NDUFS4: variants seen among roughly 807,000 people sequenced by gnomAD.
NDUFS4 encodes the protein NADH dehydrogenase [ubiquinone] iron-sulfur protein 4, mitochondrial.
NDUFS4 carries 28 observed loss-of-function variants against 24.3 expected under a neutral mutation model. The ratio of observed to expected loss-of-function variants is 1.15; its 90% CI spans 0.85 to 1.58. The LOEUF (loss-of-function observed/expected upper bound fraction) is 1.58. Among genes scored for constraint, NDUFS4 ranks in the 40% most tolerant of loss-of-function variants. NDUFS4 has a pLI of 0.00. For missense variants in NDUFS4, 223 were observed against 207.9 expected (o/e 1.07, Z -0.45); for synonymous variants, 93 against 69.7 (o/e 1.34, Z -1.67).
At chr5:53,659,000 T>C (rs1053960116) in intron 4 of NDUFS4, among the ~76,000 whole-genome samples, 5 of 152,282 alleles carry the variant, frequency 3.3e-5, no homozygotes, top group South Asian at 4.1e-4. Context: ...TTAAGTTCTT[T>C]CAGCCAAACG....
At chr5:53,562,688 T>C (rs928484439) in intron 1 of NDUFS4, among the ~76,000 whole-genome samples, 1 of 152,148 alleles carries the variant, frequency 6.6e-6, no homozygotes, top group Admixed American at 6.5e-5. Flanking sequence ...TTGAGGGAAA[T>C]TTATAGACCC....
intron 2 of NDUFS4, among the ~76,000 whole-genome samples, chr5:53,626,841 A>G (rs1476843368): frequency 6.6e-6 from 1 of 151,946 alleles, no homozygotes; most frequent in Non-Finnish European, 1.5e-5. Context: ...TTGCCTGTTC[A>G]CTCTGATGAT....
chr5:53,662,861 A>G (rs1752388002), intron 4 of NDUFS4, among the ~76,000 whole-genome samples: 1 of 152,102 alleles, frequency 6.6e-6, no homozygotes, highest in South Asian at 2.1e-4. Context: ...GCCTTCTGCT[A>G]GCTTTTTGAA....
chr5:53,604,715 C>T (rs1561357018), intron 2 of NDUFS4: 1 of 455,654 alleles, frequency 2.2e-6, no homozygotes, highest in Non-Finnish European at 4.4e-6. Flanking sequence ...CTCCTGCCTT[C>T]CTCTCTAGGT....
At chr5:53,610,274 C>G (rs1019844868) in intron 2 of NDUFS4, among the ~76,000 whole-genome samples, 2 of 152,010 alleles carry the variant, frequency 1.3e-5, no homozygotes, top group Non-Finnish European at 2.9e-5. Context: ...GGGTGAGGTA[C>G]GAGGAAATGG....
At chr5:53,603,871 C>T (rs974594793) in intron 2 of NDUFS4, among the ~76,000 whole-genome samples, 1 of 151,976 alleles carries the variant, frequency 6.6e-6, no homozygotes, top group African/African-American at 2.4e-5. Flanking sequence ...GAGATACTTG[C>T]TAGTACTATC....
chr5:53,580,288 C>A (rs1579830553), intron 1 of NDUFS4, among the ~76,000 whole-genome samples: 1 of 152,264 alleles, frequency 6.6e-6, no homozygotes, highest in South Asian at 2.1e-4. Flanking sequence ...GTTAAAAATG[C>A]AAGTTAATAC....
chr5:53,610,350 G>A (rs1750656836), intron 2 of NDUFS4, among the ~76,000 whole-genome samples: 2 of 152,078 alleles, frequency 1.3e-5, no homozygotes, highest in African/African-American at 4.8e-5. Flanking sequence ...GACGCAGTTT[G>A]TGGCACCCCA....
intron 1 of NDUFS4, among the ~76,000 whole-genome samples, chr5:53,593,148 C>G (rs1438500049): frequency 6.6e-6 from 1 of 151,990 alleles, no homozygotes; most frequent in Non-Finnish European, 1.5e-5. Flanking sequence ...TAGAATTCAC[C>G]AGGAAACATC....
intron 4 of NDUFS4, among the ~76,000 whole-genome samples, chr5:53,660,676 T>G (rs1231856870): frequency 6.6e-6 from 1 of 152,210 alleles, no homozygotes; most frequent in Admixed American, 6.5e-5. Flanking sequence ...TTCCTGACTT[T>G]TTAATGATCG....
chr5:53,630,904 C>T (rs12518490), intron 2 of NDUFS4, among the ~76,000 whole-genome samples: 65,691 of 151,950 alleles, frequency 0.43, 14,872 homozygotes, highest in Admixed American at 0.51. Context: ...ACTCATTCTC[C>T]GTCCAGTTTC....
chr5:53,644,114 T>C (rs941683001), intron 2 of NDUFS4, among the ~76,000 whole-genome samples: 1 of 152,142 alleles, frequency 6.6e-6, no homozygotes, highest in African/African-American at 2.4e-5. Flanking sequence ...TTTCAAAACT[T>C]GAAAAAGTTT....
At chr5:53,628,361 G>A (rs1423307070) in intron 2 of NDUFS4, among the ~76,000 whole-genome samples, 2 of 152,114 alleles carry the variant, frequency 1.3e-5, no homozygotes, top group African/African-American at 4.8e-5. Flanking sequence ...TTGTGTCTCT[G>A]CCAGTTTTTG....
chr5:53,660,102 G>C (rs1369105859), intron 4 of NDUFS4, among the ~76,000 whole-genome samples: 2 of 151,514 alleles, frequency 1.3e-5, no homozygotes, highest in East Asian at 1.9e-4. Flanking sequence ...GTGCTGCACC[G>C]ATTAACTCTT....
intron 2 of NDUFS4, among the ~76,000 whole-genome samples, chr5:53,622,622 G>A (rs1185511916): frequency 2.0e-5 from 3 of 151,900 alleles, no homozygotes; most frequent in Non-Finnish European, 4.4e-5. Flanking sequence ...AATTTTGGGA[G>A]AATACAAACA....
At chr5:53,589,631 G>T (rs1465964711) in intron 1 of NDUFS4, among the ~76,000 whole-genome samples, 1 of 152,168 alleles carries the variant, frequency 6.6e-6, no homozygotes, top group African/African-American at 2.4e-5. Context: ...ACCTTGATTG[G>T]ATTGAAGGAT....
At chr5:53,580,535 C>T (rs1228076665) in intron 1 of NDUFS4, among the ~76,000 whole-genome samples, 2 of 152,208 alleles carry the variant, frequency 1.3e-5, no homozygotes, top group African/African-American at 4.8e-5. Flanking sequence ...ATTCTAGGTG[C>T]ATAGATCTAA....
intron 3 of NDUFS4, 67 bp downstream of exon 3, chr5:53,646,472 AT>A: frequency 6.5e-7 from 1 of 1,532,126 alleles, no homozygotes; most frequent in Non-Finnish European, 9.0e-7. Context: ...TCTTCTAAAT[AT>A]GATTTTCAAA....
intron 4 of NDUFS4, among the ~76,000 whole-genome samples, chr5:53,681,351 TTC>T (rs1479449827): frequency 3.3e-5 from 5 of 152,154 alleles, no homozygotes; most frequent in Non-Finnish European, 7.4e-5. Context: ...TTAGGAAAAG[TTC>T]TTTCTCATAG....
Sources: gnomAD v4.1 joint callset for allele counts (sites outside exome capture counted in the v4.1 genomes callset) on GRCh38, gnomAD v4.1.1 for gene constraint, MANE v1.5 for transcripts, NCBI Gene and HGNC (gene_info 2026-07-23, HGNC 2026-07-21) for gene names.